GPA33: variants seen among roughly 807,000 people sequenced by gnomAD.
GPA33 encodes the protein cell surface A33 antigen.
In GPA33, 27 loss-of-function variants were observed where a neutral mutation model predicts 35.6. The observed-to-expected ratio is 0.76, with a 90% CI of 0.56 to 1.04. GPA33 has a LOEUF of 1.04. GPA33 is among the 50% of genes least tolerant of loss of function. The probability of loss-of-function intolerance (pLI) is 0.00; values close to 1 mark genes in which losing one functional copy is unlikely to be tolerated. For synonymous variants in GPA33, 176 were observed against 164.0 expected, an observed-to-expected ratio of 1.07 and a Z score of -0.56; for missense variants, 428 against 411.9, an observed-to-expected ratio of 1.04 and a Z score of -0.34.
intron 2 of GPA33, 85 bp from the exon 3 acceptor site, chr1:167,069,223 C>T (rs1666668003): frequency 1.2e-6 from 1 of 857,100 alleles, no homozygotes; most frequent in Admixed American, 2.1e-5. Context: ...CCTCATCCCC[C>T]AGTTTCCAGG....
chr1:167,090,175 C>T (rs972205293), intron 1 of GPA33, 70 bp downstream of exon 1: 5 of 1,214,358 alleles, frequency 4.1e-6, no homozygotes, highest in Admixed American at 1.7e-5. Context: ...CTGACAGAGC[C>T]TCTCCTTCAG....
At chr1:167,084,299 G>T (rs960025624) in intron 1 of GPA33, among the ~76,000 whole-genome samples, 1 of 152,166 alleles carries the variant, frequency 6.6e-6, no homozygotes, top group Non-Finnish European at 1.5e-5. Flanking sequence ...TGGAGCATGA[G>T]GTGGCAGAGG....
chr1:167,073,544 A>C lies in GPA33; in HGVS notation c.44-5T>G, dbSNP rs779949522. On this transcript the variant is annotated splice_region_variant and splice_polypyrimidine_tract_variant and intron_variant, in intron 1 of 6. Transcript: ENST00000367868. ...TGGCATCGACGGTCACCCTGACTGG[A>C]AAGAAAGTAGGCAGTGGAAGGGAAA... 6.8e-6 allele frequency: 11 copies of C among 1,612,920 alleles called. No individual in the cohort carries two copies. The highest frequency in any genetic ancestry group is 1.7e-4 in the Middle Eastern group (1 of 6,054).
rs998140073 is a variant in GPA33, at chr1:167,064,303, AAAAAAGAAAAAG to A, written c.416-578_416-567del. Among the ~76,000 whole-genome samples the A allele has an allele frequency of 1.1e-4, 15 of 131,248 alleles. No homozygotes were observed. In the Admixed American group the frequency reaches 1.2e-3, roughly 10 times the overall value. The allele number at this position is 131,248 out of a possible 152,430, so 86.1% of individuals were successfully genotyped here. A position where few individuals can be genotyped will look rare whatever the true frequency, so the allele number is the denominator to read the frequency against. ...CTGTCTCAAAAAAAGAAAGAAAAGA[AAAAAAGAAAAAG>A]AAAGAAAGAAAGAAAGAAAGATGGG... On this transcript the variant is annotated intron_variant, in intron 3 of 6. Coordinates refer to ENST00000367868, the MANE Select transcript of GPA33 (RefSeq NM_005814.3).
rs757840288 is a variant in GPA33 at position 167,055,072 on chromosome 1, C to G, written c.731G>C (p.Gly244Ala). The G allele has an allele frequency of 1.5e-5, 24 of 1,613,454 alleles. No individual in the cohort carries two copies. The South Asian group carries it at 2.5e-4, about 17-fold the overall frequency. ...AATGATAATGAGGGCTGCAACCACG[C>G]CCACCGCGATGCCCACATACAGGGC... ...NVALYVGIAV[G>A]VVAALIIIGI... The change falls in exon 6 of 7, where the codon GGC (glycine) becomes GCC (alanine). Residue 244 changes from glycine (G) to alanine (A), a missense_variant. Coordinates refer to ENST00000367868, the MANE Select transcript of GPA33 (RefSeq NM_005814.3).
At position 167,075,125 on chromosome 1, in the gene GPA33, T is replaced by A. The variant is rs547763733; in HGVS notation, c.44-1586A>T. Among the ~76,000 whole-genome samples the A allele has an allele frequency of 1.2e-4, 18 of 152,064 alleles. No homozygotes were observed. In the East Asian group the frequency reaches 3.5e-3, roughly 29 times the overall value. On this transcript the variant is annotated intron_variant, in intron 1 of 6. Transcript: ENST00000367868. ...CATGTTGGCCAGGCTGGTCTTGAAC[T>A]CCTGACCTCAGGTGATCCACCCACC... is the stretch of plus-strand genomic sequence containing the variant.
intron 1 of GPA33, among the ~76,000 whole-genome samples, chr1:167,083,513 T>C (rs534754838): frequency 2.6e-4 from 39 of 152,312 alleles, no homozygotes; most frequent in African/African-American, 8.7e-4. Flanking sequence ...ACTCTGGGGA[T>C]ACAACGTGGG....
intron 2 of GPA33, among the ~76,000 whole-genome samples, chr1:167,071,814 G>A (rs368564393): frequency 7.9e-5 from 12 of 152,282 alleles, no homozygotes; most frequent in East Asian, 7.7e-4. Flanking sequence ...ATCTCCTTGA[G>A]GGGCCGTATT....
At chr1:167,061,588 T>G (rs1212202894) in intron 4 of GPA33, among the ~76,000 whole-genome samples, 5 of 47,070 alleles carry the variant, frequency 1.1e-4, no homozygotes, top group Non-Finnish European at 1.8e-4. Flanking sequence ...TACTAACTGT[T>G]TTTTTTTTTT....
intron 3 of GPA33, 21 bp downstream of exon 3, chr1:167,068,901 G>T: frequency 6.3e-7 from 1 of 1,594,660 alleles, no homozygotes; most frequent in East Asian, 2.2e-5. Context: ...TACAACTCCT[G>T]AAAGACATGA....
intron 3 of GPA33, 43 bp from the exon 4 acceptor site, chr1:167,063,780 G>A: frequency 6.3e-7 from 1 of 1,577,182 alleles, no homozygotes; most frequent in East Asian, 2.3e-5. Flanking sequence ...AGGCAGGTGG[G>A]GCTTGGTGAC....
At chr1:167,059,706 T>C (rs1295589288) in intron 4 of GPA33, among the ~76,000 whole-genome samples, 1 of 152,150 alleles carries the variant, frequency 6.6e-6, no homozygotes, top group Non-Finnish European at 1.5e-5. Flanking sequence ...ACAAAGTCTG[T>C]TCAGAGCTAT....
At chr1:167,061,151 G>A (rs1414081932) in intron 4 of GPA33, among the ~76,000 whole-genome samples, 2 of 152,178 alleles carry the variant, frequency 1.3e-5, no homozygotes, top group South Asian at 2.1e-4. Context: ...ACAAGTGTCC[G>A]AGCCAGGAGT....
rs768326263 is a variant in GPA33, at chr1:167,062,646, C to CTTTTTTTTTT, written c.571+926_571+935dup. On this transcript the variant is annotated intron_variant, in intron 4 of 6. Coordinates refer to ENST00000367868, the MANE Select transcript of GPA33 (RefSeq NM_005814.3). ...TGGTAGGATTTTTATATAGCTCTTT[C>CTTTTTTTTTT]TTTTTTTTTTTTTTTTTTTTTCAGT... Among the ~76,000 whole-genome samples, 193 of 79,946 alleles carry CTTTTTTTTTT rather than the reference C, an allele frequency of 2.4e-3. 7 individuals carry two copies. Among genetic ancestry groups the CTTTTTTTTTT allele is most frequent in the Non-Finnish European group, 2.8e-3 (117 of 42,506 alleles). The allele number at this position is 79,946 out of a possible 152,430, so 52.4% of individuals were successfully genotyped here.
intron 1 of GPA33, among the ~76,000 whole-genome samples, chr1:167,080,654 C>T (rs944866267): frequency 3.3e-5 from 5 of 152,168 alleles, no homozygotes; most frequent in Admixed American, 2.6e-4. Context: ...TGAGCATCAT[C>T]ATATTATCCA....
chr1:167,055,195 A>C, intron 5 of GPA33, 84 bp from the exon 6 acceptor site: 1 of 1,372,370 alleles, frequency 7.3e-7, no homozygotes, highest in Non-Finnish European at 1.0e-6. Flanking sequence ...AGCAGCTACC[A>C]GCTTCTGGTA....
intron 1 of GPA33, among the ~76,000 whole-genome samples, chr1:167,074,484 A>C (rs1282797812): frequency 6.6e-6 from 1 of 152,182 alleles, no homozygotes; most frequent in Non-Finnish European, 1.5e-5. Flanking sequence ...GTTGGAACTG[A>C]TGCTGAGGGG....
intron 4 of GPA33, among the ~76,000 whole-genome samples, chr1:167,059,602 C>T (rs1377096373): frequency 2.0e-5 from 3 of 151,974 alleles, no homozygotes; most frequent in Non-Finnish European, 4.4e-5. Context: ...CCCTTAAGTG[C>T]TCCAGGCCCC....
intron 3 of GPA33, among the ~76,000 whole-genome samples, chr1:167,065,622 C>T (rs947537884): frequency 6.6e-6 from 1 of 152,198 alleles, no homozygotes; most frequent in Non-Finnish European, 1.5e-5. Context: ...CACCCGGCAG[C>T]TGCTGAGAGA....
Sources: allele counts gnomAD v4.1 joint callset (sites outside exome capture counted in the v4.1 genomes callset), GRCh38; gene constraint gnomAD v4.1.1; transcripts MANE v1.5; gene names NCBI Gene and HGNC (gene_info 2026-07-23, HGNC 2026-07-21).